Variants in DHX29 observed in about 807,000 individuals in gnomAD.
DHX29 encodes the protein ATP-dependent RNA helicase DHX29.
In DHX29, 79 loss-of-function variants were observed where a neutral mutation model predicts 167.9. The observed-to-expected ratio is 0.47, with a 90% CI of 0.39 to 0.57. The LOEUF (loss-of-function observed/expected upper bound fraction) is 0.57, where lower values mean the gene tolerates loss of function less well. DHX29 is among the 20% of genes least tolerant of loss of function. DHX29 has a pLI of 0.00. For missense variants in DHX29, 1,347 were observed against 1,593.4 expected (o/e 0.85, Z 2.63); for synonymous variants, 530 against 546.0 (o/e 0.97, Z 0.41).
intron 6 of DHX29, among the ~76,000 whole-genome samples, chr5:55,293,104 G>A (rs1185393882): frequency 6.6e-6 from 1 of 152,204 alleles, no homozygotes; most frequent in East Asian, 1.9e-4. Context: ...AAGCAAATAC[G>A]TAGCTATATA....
intron 12 of DHX29, 58 bp downstream of exon 12, chr5:55,281,314 C>G (rs1436760172): frequency 1.4e-5 from 19 of 1,401,630 alleles, no homozygotes; most frequent in Non-Finnish European, 1.8e-5. Context: ...TTAGGAGTAA[C>G]ATCTTTTTAA....
chr5:55,275,733 G>A (rs981927877), intron 14 of DHX29, among the ~76,000 whole-genome samples: 1 of 146,582 alleles, frequency 6.8e-6, no homozygotes, highest in African/African-American at 2.6e-5. Context: ...CACTATGTAT[G>A]TATGTATGTA....
rs78137133 is a variant in DHX29, at chr5:55,272,868, T to C, written c.2775+425A>G. On this transcript the variant is annotated intron_variant, in intron 17 of 26. Transcript: ENST00000251636. ...ATGAGAACTAGGTTGTTGTCCTGGC[T>C]CTGTTACTTATTAGCTTTGTGACCT... 6.1e-3 allele frequency among the ~76,000 whole-genome samples: 933 copies of C among 152,280 alleles called. 3 individuals carry two copies. The highest frequency in any genetic ancestry group is 0.011 in the Non-Finnish European group (750 of 68,014).
chr5:55,292,515 A>C (rs1320763201), intron 6 of DHX29, among the ~76,000 whole-genome samples: 10 of 152,106 alleles, frequency 6.6e-5, no homozygotes, highest in Non-Finnish European at 1.0e-4. Context: ...TCAATATTCC[A>C]AACCACCTCG....
At chr5:55,273,948 G>A (rs772745046) in intron 16 of DHX29, among the ~76,000 whole-genome samples, 9 of 152,072 alleles carry the variant, frequency 5.9e-5, no homozygotes, top group African/African-American at 1.2e-4. Flanking sequence ...TTAGCTGGGC[G>A]TGGTGGCATG....
At chr5:55,276,447 G>C (rs779577728) in intron 13 of DHX29, 41 bp from the exon 14 acceptor site, 17 of 1,485,756 alleles carry the variant, frequency 1.1e-5, no homozygotes, top group Non-Finnish European at 1.4e-5. Context: ...ATTCAAATTC[G>C]TTTCAGTAAA....
chr5:55,266,782 A>AT (rs1282958568), intron 23 of DHX29, among the ~76,000 whole-genome samples: 1 of 151,170 alleles, frequency 6.6e-6, no homozygotes, highest in Non-Finnish European at 1.5e-5. Flanking sequence ...TGCCCATTTA[A>AT]TTTTTTTATT....
chr5:55,283,847 C>G, intron 10 of DHX29, 36 bp from the exon 11 acceptor site: 1 of 1,511,250 alleles, frequency 6.6e-7, no homozygotes, highest in South Asian at 1.3e-5. Context: ...TTTTCACTAA[C>G]TATTCAATAT....
intron 23 of DHX29, 68 bp downstream of exon 23, chr5:55,267,070 T>A: frequency 9.6e-7 from 1 of 1,043,286 alleles, no homozygotes; most frequent in Non-Finnish European, 1.4e-6. Context: ...TCCTAGGCAT[T>A]CTTTTTTCCA....
At chr5:55,298,439 A>G (rs1003940058) in intron 2 of DHX29, 152 bp downstream of exon 2, 2 of 554,174 alleles carry the variant, frequency 3.6e-6, no homozygotes, top group Non-Finnish European at 6.7e-6. Context: ...TATGTGTATG[A>G]TTTACTTATT....
At chr5:55,277,019 C>T (rs538214069) in intron 13 of DHX29, 87 bp downstream of exon 13, 1 of 919,976 alleles carries the variant, frequency 1.1e-6, no homozygotes, top group South Asian at 1.7e-5. Flanking sequence ...ATAGTTCTGG[C>T]CTCTGACTAC....
At chr5:55,276,478 G>C in intron 13 of DHX29, 72 bp from the exon 14 acceptor site, 1 of 1,182,294 alleles carries the variant, frequency 8.5e-7, no homozygotes, top group African/African-American at 1.6e-5. Flanking sequence ...AAGAGAACAG[G>C]GGACACCACC....
Position 55,276,375 on chromosome 5 carries a change from G to A in DHX29, c.2318C>T (p.Thr773Ile), listed in dbSNP as rs745369435. 6.3e-7 allele frequency: 1 copy of A among 1,596,058 alleles called. No individual in the cohort carries two copies. The highest frequency in any genetic ancestry group is 2.3e-5 in the East Asian group (1 of 44,426). Reference protein sequence around the residue: ...VFHLEDIIEETGFVLEKDSEY... With the variant: ...VFHLEDIIEEIGFVLEKDSEY... ...TGAGTCTTTTTCCAGTACAAAGCCT[G>A]TTTCTTCTATTATATCTTCAAGATG... The change falls in exon 14 of 27, where the codon ACA becomes ATA. Residue 773 changes from threonine (T) to isoleucine (I), a missense_variant. This residue lies in a region of DHX29 where 882 missense variants were observed against 1,082.4 expected (regional missense o/e 0.81). Coordinates refer to ENST00000251636, the MANE Select transcript of DHX29 (RefSeq NM_019030.4).
At chr5:55,306,288 G>C (rs1326384640) in intron 1 of DHX29, among the ~76,000 whole-genome samples, 1 of 152,104 alleles carries the variant, frequency 6.6e-6, no homozygotes, top group Non-Finnish European at 1.5e-5. Flanking sequence ...AGAGCCCCAA[G>C]CTCTTTCCTG....
intron 20 of DHX29, 80 bp from the exon 21 acceptor site, chr5:55,269,717 T>C (rs1324065244): frequency 2.5e-6 from 3 of 1,187,250 alleles, no homozygotes; most frequent in Admixed American, 2.2e-5. Flanking sequence ...GGAACTAAAT[T>C]TGACTTCAGT....
At position 55,290,389 on chromosome 5, in the gene DHX29, C is replaced by A. The variant is rs1747981578; in HGVS notation, c.781-45G>T. The A allele has an allele frequency of 3.2e-6, 5 of 1,548,598 alleles. No individual in the cohort carries two copies. The South Asian group carries it at 5.0e-5, about 15-fold the overall frequency. On this transcript the variant is annotated intron_variant, in intron 6 of 26. Transcript: ENST00000251636. ...GAGGAGGGGGAAAAAAAAAGAAGAG[C>A]AAGATTAGTTTATCTATGGTCAATA...
In DHX29 at chr5:55,269,775, TA is replaced by T. The variant is rs543556363; in HGVS notation, c.3070-139del. 1,854 of 648,932 alleles carry T rather than the reference TA, an allele frequency of 2.9e-3. 18 individuals carry two copies. In the African/African-American group the frequency reaches 0.031, roughly 11 times the overall value. 40.2% of individuals were successfully genotyped at this position (648,932 alleles called of 1,614,324 possible). A position where few individuals can be genotyped will look rare whatever the true frequency, so the allele number is the denominator to read the frequency against. On this transcript the variant is annotated intron_variant, in intron 20 of 26. Coordinates refer to ENST00000251636, the MANE Select transcript of DHX29 (RefSeq NM_019030.4). ...AAATGTGAAAGTAGGGCTATCCTGT[TA>T]TTTTTTTTATAATGGGGGTAGAGGA...
intron 25 of DHX29, 64 bp from the exon 26 acceptor site, chr5:55,260,008 A>G: frequency 1.1e-6 from 1 of 872,398 alleles, no homozygotes; most frequent in Non-Finnish European, 1.8e-6. Context: ...TGTTTAAGTA[A>G]ATCAAGGCAA....
Position 55,267,235 on chromosome 5 carries a change from G to T in DHX29, c.3432-4C>A. ...TTCTTGTCGTGCTTTCTTCCATCTAGATAAATAAAATGTCAATTAATGAAT... is the reference window on the plus strand; with the variant it reads ...TTCTTGTCGTGCTTTCTTCCATCTATATAAATAAAATGTCAATTAATGAAT... On this transcript the variant is annotated splice_polypyrimidine_tract_variant and splice_region_variant and intron_variant, in intron 22 of 26. Transcript: ENST00000251636. 6.2e-7 allele frequency: 1 copy of T among 1,605,840 alleles called. No individual in the cohort carries two copies. The highest frequency in any genetic ancestry group is 1.3e-5 in the African/African-American group (1 of 74,812).
Sources: gnomAD v4.1 joint callset for allele counts (sites outside exome capture counted in the v4.1 genomes callset) on GRCh38, gnomAD v4.1.1 for gene constraint, gnomAD v4.1.1 regional missense constraint, MANE v1.5 for transcripts, NCBI Gene and HGNC (gene_info 2026-07-23, HGNC 2026-07-21) for gene names.